The following CLK1 variants were observed in gnomAD, a reference collection of about 807,000 sequenced individuals.
The protein encoded by CLK1 is CDC like kinase 1.
CLK1 carries 40 observed loss-of-function variants against 60.9 expected under a neutral mutation model. That is an observed-to-expected ratio of 0.66 (90% CI 0.51 to 0.86). CLK1 has a LOEUF of 0.86. Among genes scored for constraint, CLK1 ranks in the 40% least tolerant of loss-of-function variants. The pLI, the probability that CLK1 is intolerant of heterozygous loss-of-function variation, is 0.00. For synonymous variants in CLK1, 203 were observed against 184.4 expected, an observed-to-expected ratio of 1.10 and a Z score of -0.82; for missense variants, 563 against 606.1, an observed-to-expected ratio of 0.93 and a Z score of 0.75.
intron 1 of CLK1, among the ~76,000 whole-genome samples, chr2:200,862,101 C>CAAAA (rs145681104): frequency 1.2e-4 from 15 of 128,498 alleles, no homozygotes; most frequent in Admixed American, 3.1e-4. Flanking sequence ...TGGAAGAATG[C>CAAAA]AAAAAAAAAA....
chr2:200,854,528 T>A, intron 11 of CLK1, 88 bp downstream of exon 11: 1 of 748,278 alleles, frequency 1.3e-6, no homozygotes, highest in Non-Finnish European at 2.2e-6. Context: ...AGAGCAAGAC[T>A]CCATCTCAAA....
intron 4 of CLK1, 96 bp downstream of exon 4, chr2:200,860,029 G>A: frequency 6.7e-7 from 1 of 1,499,494 alleles, no homozygotes; most frequent in Non-Finnish European, 8.9e-7. Flanking sequence ...AAACAAAAAA[G>A]AGAAAGAAAA....
chr2:200,857,810 C>T lies in CLK1; in HGVS notation c.740G>A (p.Ser247Asn). Residue 247 changes from serine to asparagine, a missense_variant, in exon 7 of 13, where the codon AGT (serine) becomes AAT (asparagine). This residue lies in a region of CLK1 where 360 missense variants were observed against 407.0 expected (regional missense o/e 0.88). Coordinates refer to ENST00000321356, the MANE Select transcript of CLK1 (RefSeq NM_004071.4). ...ATTTTCTTTAATGAAGTCGTAAGTACTAAGTCCCAATAGTTCAAAAACAAT... is the reference window on the plus strand; with the variant it reads ...ATTTTCTTTAATGAAGTCGTAAGTATTAAGTCCCAATAGTTCAAAAACAAT... ...ICIVFELLGL[S>N]TYDFIKENGF... is the part of the protein sequence containing the mutation. 1 of 1,613,858 alleles carries T rather than the reference C, an allele frequency of 6.2e-7. No homozygotes were observed. The highest frequency in any genetic ancestry group is 8.5e-7 in the Non-Finnish European group (1 of 1,179,826).
At chr2:200,862,423 TC>T (rs2039154342) in intron 1 of CLK1, among the ~76,000 whole-genome samples, 1 of 151,592 alleles carries the variant, frequency 6.6e-6, no homozygotes, top group Non-Finnish European at 1.5e-5. Flanking sequence ...CTTTATAATC[TC>T]CCCCACCCTT....
intron 1 of CLK1, chr2:200,864,075 C>G: frequency 6.5e-7 from 1 of 1,544,176 alleles, no homozygotes; most frequent in Non-Finnish European, 8.7e-7. Flanking sequence ...GTAACCCCTA[C>G]GGGTTCCGTC....
intron 3 of CLK1, chr2:200,860,772 A>G (rs767198366): frequency 4.0e-4 from 408 of 1,019,228 alleles, no homozygotes; most frequent in Non-Finnish European, 4.5e-4. Flanking sequence ...TATATAACCC[A>G]TAACAGTTCA....
rs547873956 is a variant in CLK1 at position 200,856,542 on chromosome 2, A to C, written c.1057+140T>G. On this transcript the variant is annotated intron_variant, in intron 9 of 12. Coordinates refer to ENST00000321356, the MANE Select transcript of CLK1 (RefSeq NM_004071.4). ...AATTATCTGGTACAATTGAGAGCTT[A>C]AAATCCATAATGCACTTCATGATAC... The C allele has an allele frequency of 1.9e-5, 12 of 627,528 alleles. No individual in the cohort carries two copies. The South Asian group carries it at 3.5e-4, about 19-fold the overall frequency. The allele number at this position is 627,528 out of a possible 1,614,324, so 38.9% of individuals were successfully genotyped here. A position where few individuals can be genotyped will look rare whatever the true frequency, so the allele number is the denominator to read the frequency against.
intron 1 of CLK1, among the ~76,000 whole-genome samples, chr2:200,862,263 A>C (rs758150122): frequency 8.5e-5 from 13 of 152,236 alleles, no homozygotes; most frequent in African/African-American, 3.1e-4. Context: ...AGTGACCTGC[A>C]CGTATACATC....
At chr2:200,860,809 G>A (rs1463057354) in intron 3 of CLK1, 3 of 1,028,168 alleles carry the variant, frequency 2.9e-6, no homozygotes, top group Non-Finnish European at 3.5e-6. Flanking sequence ...CTTAGTGAAA[G>A]AAGGGTTAGA....
In CLK1 at chr2:200,853,936, G is replaced by A. The variant is rs1339393366; in HGVS notation, c.1278C>T (p.Gly426=). ...RLDWDEHSSA[G]RYVSRRCKPL... ...GTTTACAGCGTCTTGAAACATATCT[G>A]CCGGCAGAACTGTGTTCATCCCAGT... The change falls in exon 12 of 13, where the codon GGC becomes GGT. Residue 426 remains glycine, a synonymous_variant. Coordinates refer to ENST00000321356, the MANE Select transcript of CLK1 (RefSeq NM_004071.4). 2 of 1,612,450 alleles carry A rather than the reference G, an allele frequency of 1.2e-6. No individual in the cohort carries two copies. The highest frequency in any genetic ancestry group is 1.3e-5 in the African/African-American group (1 of 74,850).
Position 200,856,772 on chromosome 2 carries a change from C to T in CLK1, c.967G>A (p.Val323Ile). ...ERTLINPDIK[V>I]VDFGSATYDD... ...TATGTTGCACTACCAAAGTCTACAA[C>T]TTTAATATCTGGATTTATTAAGGTG... is the stretch of plus-strand genomic sequence containing the variant. Residue 323 changes from valine to isoleucine, a missense_variant, in exon 9 of 13, where the codon GTT becomes ATT. Val to Ile is a conservative substitution (Grantham distance 29, BLOSUM62 3). Around this residue, in one of 3 missense-constraint regions of CLK1, gnomAD observed 360 missense variants for 407.0 expected, o/e 0.88. Transcript: ENST00000321356. The T allele has an allele frequency of 1.2e-6, 2 of 1,613,776 alleles. No individual in the cohort carries two copies. Among genetic ancestry groups the T allele is most frequent in the Middle Eastern group, 1.7e-4 (1 of 6,024 alleles).
Position 200,853,177 on chromosome 2 carries a change from C to A in CLK1, c.*129G>T. 1.5e-6 allele frequency: 1 copy of A among 663,352 alleles called. No homozygotes were observed. Among genetic ancestry groups the A allele is most frequent in the Non-Finnish European group, 2.4e-6 (1 of 419,398 alleles). The allele number at this position is 663,352 out of a possible 1,614,324, so 41.1% of individuals were successfully genotyped here. On this transcript the variant is annotated 3_prime_UTR_variant, in exon 13 of 13. Transcript: ENST00000321356. ...CTATGTACTTAATGAACCAAATTAC[C>A]CAAACAAAATAAACATGGCAATATA...
At chr2:200,862,653 G>A (rs1410005121) in intron 1 of CLK1, among the ~76,000 whole-genome samples, 1 of 152,142 alleles carries the variant, frequency 6.6e-6, no homozygotes, top group African/African-American at 2.4e-5. Context: ...TGCCTTTAGT[G>A]GTCTCTTCAC....
chr2:200,860,358 C>G, intron 3 of CLK1, 143 bp from the exon 4 acceptor site: 1 of 1,437,168 alleles, frequency 7.0e-7, no homozygotes, highest in Admixed American at 2.5e-5. Flanking sequence ...TTGGCAGGAG[C>G]AATTTCAAAT....
intron 5 of CLK1, among the ~76,000 whole-genome samples, chr2:200,859,048 G>A (rs777015436): frequency 2.0e-5 from 3 of 152,044 alleles, no homozygotes; most frequent in Non-Finnish European, 4.4e-5. Context: ...TGGGCATGGT[G>A]GCGCGTGTCT....
At chr2:200,853,767 G>A (rs2038990926) in intron 12 of CLK1, 136 bp downstream of exon 12, 1 of 536,750 alleles carries the variant, frequency 1.9e-6, no homozygotes, top group African/African-American at 2.0e-5. Flanking sequence ...TTGAGCCTAG[G>A]ATGCAGAGGT....
chr2:200,853,579 G>A (rs1293949095), intron 12 of CLK1, 130 bp from the exon 13 acceptor site: 16 of 817,054 alleles, frequency 2.0e-5, no homozygotes, highest in Admixed American at 3.5e-5. Context: ...GGTCGCTCAC[G>A]CCTATAATCC....
At position 200,861,797 on chromosome 2, in the gene CLK1, C is replaced by G; in HGVS notation, c.66G>C (p.Trp22Cys). Residue 22 changes from tryptophan (W) to cysteine (C), a missense_variant, in exon 2 of 13, where the codon TGG (tryptophan) becomes TGC (cysteine). By Grantham distance (215) the Trp-to-Cys change is radical. Coordinates refer to ENST00000321356, the MANE Select transcript of CLK1 (RefSeq NM_004071.4). ...WDDKDWDYGK[W>C]RSSSSHKRRK... Reference sequence around the variant, plus strand: ...TTCTTTTATGACTGCTGCTGCTCCTCCATTTTCCATAATCCCAATCCTTGT... The same window carrying G: ...TTCTTTTATGACTGCTGCTGCTCCTGCATTTTCCATAATCCCAATCCTTGT... 1 of 1,614,084 alleles carries G rather than the reference C, an allele frequency of 6.2e-7. No individual in the cohort carries two copies. Among genetic ancestry groups the G allele is most frequent in the East Asian group, 2.2e-5 (1 of 44,868 alleles).
chr2:200,860,121 A>G lies in CLK1; in HGVS notation c.481+4T>C. 6.2e-7 allele frequency: 1 copy of G among 1,612,538 alleles called. No homozygotes were observed. Among genetic ancestry groups the G allele is most frequent in the Non-Finnish European group, 8.5e-7 (1 of 1,178,580 alleles). On this transcript the variant is annotated splice_donor_region_variant and intron_variant, in intron 4 of 12. Coordinates refer to ENST00000321356, the MANE Select transcript of CLK1 (RefSeq NM_004071.4). The stretch of plus-strand genomic sequence containing the variant: ...GTTAATAAGTGTTGAAAAATATTCT[A>G]TACATCTTGCACTTAGTACGTCTCC...
Sources: gnomAD v4.1 joint callset for allele counts (sites outside exome capture counted in the v4.1 genomes callset) on GRCh38, gnomAD v4.1.1 for gene constraint, gnomAD v4.1.1 regional missense constraint, MANE v1.5 for transcripts, NCBI Gene and HGNC (gene_info 2026-07-23, HGNC 2026-07-21) for gene names.